The following ATP2C1 variants were observed in gnomAD, a reference collection of about 807,000 sequenced individuals.
ATP2C1 encodes the protein calcium-transporting ATPase type 2C member 1.
Under a neutral mutation model 120.5 loss-of-function variants are expected in ATP2C1, and 31 were observed. The ratio of observed to expected loss-of-function variants is 0.26; its 90% confidence interval spans 0.19 to 0.35. The LOEUF is 0.35. Among genes scored for constraint, ATP2C1 ranks in the 10% least tolerant of loss-of-function variants. The pLI is 1.00. For synonymous variants in ATP2C1, 351 were observed against 358.7 expected, an observed-to-expected ratio of 0.98 and a Z score of 0.24; for missense variants, 731 against 1,107.5, an observed-to-expected ratio of 0.66 and a Z score of 4.83.
At chr3:130,861,834 C>CA (rs1338020984) in intron 1 of ATP2C1, among the ~76,000 whole-genome samples, 1 of 152,106 alleles carries the variant, frequency 6.6e-6, no homozygotes, top group African/African-American at 2.4e-5. Flanking sequence ...ATAGGCATCA[C>CA]AAAATCTAGG....
chr3:130,902,284 GTTTTTTTTTTTTGTTTTTTTT>G (rs1215365819), intron 2 of ATP2C1, among the ~76,000 whole-genome samples: 2 of 65,506 alleles, frequency 3.1e-5, no homozygotes, highest in South Asian at 6.4e-4. Context: ...AAGGCTTCAC[GTTTTTTTTTTTTGTTTTTTTT>G]TTTTTTTTTT....
intron 22 of ATP2C1, 64 bp from the exon 23 acceptor site, chr3:130,995,979 T>G: frequency 2.8e-6 from 3 of 1,067,688 alleles, no homozygotes; most frequent in South Asian, 2.5e-5. Flanking sequence ...CTACAGTGTT[T>G]TAGTATAGAT....
At chr3:130,853,404 T>A (rs892983528) in intron 1 of ATP2C1, among the ~76,000 whole-genome samples, 5 of 152,234 alleles carry the variant, frequency 3.3e-5, no homozygotes, top group Admixed American at 3.3e-4. Flanking sequence ...TTGAATGTAG[T>A]GTCTGCATGC....
upstream of ATP2C1, among the ~76,000 whole-genome samples, chr3:130,893,285 T>A (rs1426177622): frequency 2.6e-5 from 4 of 152,212 alleles, no homozygotes; most frequent in African/African-American, 9.6e-5. Context: ...TCGACAGCTG[T>A]ACGACTGGTT....
intron 1 of ATP2C1, among the ~76,000 whole-genome samples, chr3:130,881,010 A>G (rs766430756): frequency 2.0e-5 from 3 of 152,230 alleles, no homozygotes; most frequent in Non-Finnish European, 4.4e-5. Context: ...ACTGGGATAG[A>G]AAACTTTTAA....
rs1232720691 is a variant in ATP2C1, at chr3:130,867,593, T to C, written c.108+16665T>C. On this transcript the variant is annotated intron_variant, in intron 1 of 26. Coordinates refer to the ATP2C1 transcript ENST00000504381. ...AGACGGAGTCTCATTCACTCAGTGC[T>C]CAATGGTGCCCAGGCTGGAGTGCAG... Among the ~76,000 whole-genome samples, 43 of 150,840 alleles carry C rather than the reference T, an allele frequency of 2.9e-4. 1 individual carries two copies. Among genetic ancestry groups the C allele is most frequent in the Admixed American group, 2.6e-3 (39 of 15,154 alleles).
intron 18 of ATP2C1, among the ~76,000 whole-genome samples, chr3:130,978,014 G>A (rs951788225): frequency 6.6e-6 from 1 of 152,156 alleles, no homozygotes; most frequent in African/African-American, 2.4e-5. Flanking sequence ...TGCTAAAGAA[G>A]CAAATAAATA....
chr3:130,871,006 G>A (rs1476889037), intron 1 of ATP2C1, among the ~76,000 whole-genome samples: 1 of 152,120 alleles, frequency 6.6e-6, no homozygotes, highest in East Asian at 1.9e-4. Flanking sequence ...TTAACGTCAA[G>A]GCGAGATCCC....
intron 22 of ATP2C1, among the ~76,000 whole-genome samples, chr3:130,995,615 T>C (rs963389849): frequency 7.9e-5 from 12 of 152,076 alleles, no homozygotes; most frequent in Non-Finnish European, 1.8e-4. Context: ...TTGATACATG[T>C]GTTGTATTAG....
intron 2 of ATP2C1, among the ~76,000 whole-genome samples, chr3:130,900,672 G>T (rs2057776756): frequency 6.6e-6 from 1 of 152,054 alleles, no homozygotes; most frequent in Non-Finnish European, 1.5e-5. Context: ...ATTTATCTTG[G>T]TTATGGTGTC....
intron 26 of ATP2C1, among the ~76,000 whole-genome samples, chr3:131,013,617 T>C (rs2063428915): frequency 6.6e-6 from 1 of 152,272 alleles, no homozygotes; most frequent in South Asian, 2.1e-4. Context: ...GACAGTTTTC[T>C]GTCTGGCATC....
At chr3:131,012,205 AATCAAGGT>A in intron 26 of ATP2C1, among the ~76,000 whole-genome samples, 1 of 152,074 alleles carries the variant, frequency 6.6e-6, no homozygotes, top group Non-Finnish European at 1.5e-5. Flanking sequence ...AAACTCCAGG[AATCAAGGT>A]AGGGAGGATT....
At chr3:131,003,990 T>C (rs917451099), downstream of ATP2C1, among the ~76,000 whole-genome samples, 5 of 152,210 alleles carry the variant, frequency 3.3e-5, no homozygotes, top group African/African-American at 9.6e-5. Flanking sequence ...GATGAACTGG[T>C]TATCTTTTCA....
At chr3:130,959,198 A>G in intron 11 of ATP2C1, 77 bp from the exon 12 acceptor site, 14 of 1,097,210 alleles carry the variant, frequency 1.3e-5, no homozygotes, top group Middle Eastern at 2.0e-4. Flanking sequence ...GGGACGTTTT[A>G]GATTCCTTCA....
At chr3:130,889,568 T>C (rs1189942385), upstream of ATP2C1, among the ~76,000 whole-genome samples, 5 of 152,050 alleles carry the variant, frequency 3.3e-5, no homozygotes, top group African/African-American at 1.2e-4. Context: ...TTAGGACTTA[T>C]TCCCATTCAG....
downstream of ATP2C1, among the ~76,000 whole-genome samples, chr3:131,005,578 C>G (rs1423503464): frequency 6.6e-6 from 1 of 152,230 alleles, no homozygotes; most frequent in African/African-American, 2.4e-5. Flanking sequence ...CTGAAATGTA[C>G]AGCTTGTGGT....
intron 8 of ATP2C1, among the ~76,000 whole-genome samples, chr3:130,949,690 G>A (rs988819689): frequency 6.6e-6 from 1 of 152,044 alleles, no homozygotes. Flanking sequence ...CATCTACCAC[G>A]GGATAAAATT....
intron 20 of ATP2C1, among the ~76,000 whole-genome samples, chr3:130,984,972 T>C (rs958310907): frequency 2.0e-5 from 3 of 152,134 alleles, no homozygotes; most frequent in Non-Finnish European, 4.4e-5. Flanking sequence ...TATAAAGAAA[T>C]AGGTCATAAG....
At chr3:130,999,445 T>C in intron 26 of ATP2C1, 73 bp from the exon 27 acceptor site, 2 of 1,478,554 alleles carry the variant, frequency 1.4e-6, no homozygotes, top group Non-Finnish European at 1.9e-6. Flanking sequence ...TGTTAAAAAT[T>C]AGAAGTGAAT....
Sources: gnomAD v4.1 joint callset for allele counts (sites outside exome capture counted in the v4.1 genomes callset) on GRCh38, gnomAD v4.1.1 for gene constraint, MANE v1.5 for transcripts, NCBI Gene and HGNC (gene_info 2026-07-23, HGNC 2026-07-21) for gene names.